The following SORCS2 variants were observed in gnomAD, a reference collection of about 807,000 sequenced individuals.
SORCS2 encodes the protein VPS10 domain-containing receptor SorCS2.
In SORCS2, 100 loss-of-function variants were observed where a neutral mutation model predicts 141.6. The ratio of observed to expected loss-of-function variants is 0.71; its 90% CI spans 0.60 to 0.83. The LOEUF is 0.83. Ranked by LOEUF, SORCS2 falls within the 40% of genes least tolerant of loss-of-function variation. SORCS2 has a pLI of 0.00. For synonymous variants in SORCS2, 789 were observed against 676.9 expected, an observed-to-expected ratio of 1.17 and a Z score of -2.57; for missense variants, 1,646 against 1,560.2, an observed-to-expected ratio of 1.05 and a Z score of -0.93.
chr4:7,280,807 C>CAATG (rs1577351263), intron 1 of SORCS2, among the ~76,000 whole-genome samples: 2 of 152,152 alleles, frequency 1.3e-5, no homozygotes, highest in South Asian at 2.1e-4. Flanking sequence ...GGATGCGCTA[C>CAATG]AATGAATGAA....
At chr4:7,639,341 G>A (rs1720481054) in intron 4 of SORCS2, among the ~76,000 whole-genome samples, 1 of 152,186 alleles carries the variant, frequency 6.6e-6, no homozygotes, top group Non-Finnish European at 1.5e-5. Flanking sequence ...AGTATCTCCT[G>A]GCTGTGGCCA....
At chr4:7,643,180 C>T (rs953537516) in intron 4 of SORCS2, among the ~76,000 whole-genome samples, 3 of 152,176 alleles carry the variant, frequency 2.0e-5, no homozygotes, top group African/African-American at 7.2e-5. Context: ...TGTGAGTCTG[C>T]CTTACTTGGA....
At chr4:7,696,649 A>T (rs574049459) in intron 11 of SORCS2, among the ~76,000 whole-genome samples, 66 of 152,284 alleles carry the variant, frequency 4.3e-4, no homozygotes, top group African/African-American at 1.6e-3. Context: ...AACCCAAACC[A>T]CATTCTGCAC....
intron 3 of SORCS2, among the ~76,000 whole-genome samples, chr4:7,621,021 G>T (rs1018019228): frequency 6.6e-6 from 1 of 152,092 alleles, no homozygotes; most frequent in East Asian, 1.9e-4. Flanking sequence ...GCACGGGGGG[G>T]TTGCCGGCCA....
At chr4:7,403,422 C>T (rs1448037198) in intron 2 of SORCS2, among the ~76,000 whole-genome samples, 1 of 152,100 alleles carries the variant, frequency 6.6e-6, no homozygotes, top group Non-Finnish European at 1.5e-5. Flanking sequence ...CTCACATTTG[C>T]TAGGGTTCCA....
intron 5 of SORCS2, among the ~76,000 whole-genome samples, chr4:7,654,485 A>G (rs957464555): frequency 6.6e-6 from 1 of 152,150 alleles, no homozygotes; most frequent in Non-Finnish European, 1.5e-5. Flanking sequence ...TTACCCATGA[A>G]CCAGCTATGT....
intron 19 of SORCS2, among the ~76,000 whole-genome samples, chr4:7,724,388 GTTGGTGATGGTGATAGTA>G (rs1726896058): frequency 7.0e-6 from 1 of 142,466 alleles, no homozygotes; most frequent in Non-Finnish European, 1.5e-5. Flanking sequence ...GTGATAGGGT[GTTGGTGATGGTGATAGTA>G]GTGGTGGGAA....
At position 7,593,168 on chromosome 4, in the gene SORCS2, A is replaced by G. The variant is rs543095683; in HGVS notation, c.649-45160A>G. Among the ~76,000 whole-genome samples, 8 of 152,312 alleles carry G rather than the reference A, an allele frequency of 5.3e-5. No individual in the cohort carries two copies. The South Asian group carries it at 1.7e-3, about 32-fold the overall frequency. The stretch of plus-strand genomic sequence containing the variant: ...GACAACAGAGCAAGGCCCTGTTTCA[A>G]AAAACAAACAAACAAAACCAACAGG... On this transcript the variant is annotated intron_variant, in intron 3 of 26. Transcript: ENST00000507866.
chr4:7,472,245 G>T (rs565619959), intron 2 of SORCS2, among the ~76,000 whole-genome samples: 14 of 152,300 alleles, frequency 9.2e-5, no homozygotes, highest in South Asian at 2.1e-4. Context: ...GGAGGGAAGG[G>T]CCTGGGGCTG....
At chr4:7,262,753 C>T (rs1043904979) in intron 1 of SORCS2, among the ~76,000 whole-genome samples, 2 of 152,236 alleles carry the variant, frequency 1.3e-5, no homozygotes, top group African/African-American at 4.8e-5. Context: ...GACCTCCACA[C>T]AGCCCTCAGC....
At chr4:7,737,198 C>T (rs771522866) in intron 26 of SORCS2, 26 bp downstream of exon 26, 53 of 1,550,274 alleles carry the variant, frequency 3.4e-5, no homozygotes, top group Admixed American at 1.8e-4. Flanking sequence ...ATGATGATCT[C>T]GACTCGCAGA....
intron 3 of SORCS2, among the ~76,000 whole-genome samples, chr4:7,543,784 T>TCTGTC (rs1553881832): frequency 7.4e-5 from 1 of 13,600 alleles, no homozygotes. Flanking sequence ...ATCCATCCAC[T>TCTGTC]CATCCATCCA....
rs34969017 is a variant in SORCS2 at position 7,482,858 on chromosome 4, C to T, written c.549-48672C>T. Among the ~76,000 whole-genome samples, 23 of 151,864 alleles carry T rather than the reference C, an allele frequency of 1.5e-4. No homozygotes were observed. In the East Asian group the frequency reaches 3.3e-3, roughly 22 times the overall value. On this transcript the variant is annotated intron_variant, in intron 2 of 26. Coordinates refer to ENST00000507866, the MANE Select transcript of SORCS2 (RefSeq NM_020777.3). The stretch of plus-strand genomic sequence containing the variant: ...GCTGTTCAGACCTGTATCCCCGCCG[C>T]GGACACCCCTGGCTGCTGTGGTGGG...
At chr4:7,713,491 C>T (rs1455016941) in intron 15 of SORCS2, among the ~76,000 whole-genome samples, 3 of 152,140 alleles carry the variant, frequency 2.0e-5, no homozygotes, top group Non-Finnish European at 4.4e-5. Context: ...ACGGTGGGTA[C>T]AGGGACCCTC....
At chr4:7,219,543 C>G (rs1025684468) in intron 1 of SORCS2, among the ~76,000 whole-genome samples, 28 of 152,156 alleles carry the variant, frequency 1.8e-4, no homozygotes, top group Non-Finnish European at 3.8e-4. Flanking sequence ...AGGAAACTTA[C>G]GATCATGGTG....
At chr4:7,617,809 T>C (rs1718869218) in intron 3 of SORCS2, among the ~76,000 whole-genome samples, 1 of 152,144 alleles carries the variant, frequency 6.6e-6, no homozygotes, top group Admixed American at 6.5e-5. Flanking sequence ...TGGAGCTCAG[T>C]TTCCTCATCT....
chr4:7,673,698 T>C (rs556239585), intron 8 of SORCS2, among the ~76,000 whole-genome samples: 1 of 152,276 alleles, frequency 6.6e-6, no homozygotes, highest in East Asian at 1.9e-4. Context: ...GTAGAACACA[T>C]TTACCCAATG....
chr4:7,387,459 A>G (rs1261222186), intron 1 of SORCS2, among the ~76,000 whole-genome samples: 1 of 148,116 alleles, frequency 6.8e-6, no homozygotes, highest in Non-Finnish European at 1.5e-5. Context: ...ACATGCACAC[A>G]CAGATACAGA....
At chr4:7,600,354 G>A (rs919340991) in intron 3 of SORCS2, among the ~76,000 whole-genome samples, 33 of 152,310 alleles carry the variant, frequency 2.2e-4, no homozygotes, top group Admixed American at 6.5e-5. Context: ...CCCCCACAGC[G>A]TGGAGGCTTC....
Sources: allele counts gnomAD v4.1 joint callset (sites outside exome capture counted in the v4.1 genomes callset), GRCh38; gene constraint gnomAD v4.1.1; transcripts MANE v1.5; gene names NCBI Gene and HGNC (gene_info 2026-07-23, HGNC 2026-07-21).